AACS: variants seen among roughly 807,000 people sequenced by gnomAD.
AACS encodes acetoacetate-CoA ligase.
AACS carries 69 observed loss-of-function variants against 83.1 expected under a neutral mutation model. The ratio of observed to expected loss-of-function variants is 0.83; its 90% confidence interval spans 0.68 to 1.01. The LOEUF (loss-of-function observed/expected upper bound fraction) is 1.01. Ranked by LOEUF, AACS falls within the 50% of genes least tolerant of loss-of-function variation. The probability of loss-of-function intolerance (pLI) is 0.00; values close to 1 mark genes in which losing one functional copy is unlikely to be tolerated. For missense variants in AACS, 866 were observed against 882.2 expected (o/e 0.98, Z 0.23); for synonymous variants, 333 against 343.4 (o/e 0.97, Z 0.33).
chr12:125,076,545 C>T lies in AACS; in HGVS notation c.292C>T (p.Arg98Trp), dbSNP rs376488677. ...TGTCCCCGAGTGGTTCAAAGGCAGT[C>T]GGCTCAACTATGCAGAAAACCTCCT... ...ADVPEWFKGS[R>W]LNYAENLLRH... Residue 98 changes from arginine (R) to tryptophan (W), a missense_variant, in exon 3 of 18, where the codon CGG becomes TGG. By Grantham distance (101) the Arg-to-Trp change is moderately radical. Transcript: ENST00000316519. 173 of 1,613,994 alleles carry T rather than the reference C, an allele frequency of 1.1e-4. 1 individual carries two copies. The highest frequency in any genetic ancestry group is 3.3e-4 in the Middle Eastern group (2 of 6,084).
chr12:125,079,990 C>T (rs1293993463), intron 3 of AACS, among the ~76,000 whole-genome samples: 1 of 152,198 alleles, frequency 6.6e-6, no homozygotes, highest in Non-Finnish European at 1.5e-5. Context: ...TCGCTCAGCA[C>T]AGTGTTACCA....
At chr12:125,123,559 C>T (rs1280398143) in intron 10 of AACS, 2 of 152,128 alleles carry the variant, frequency 1.3e-5, no homozygotes, top group African/African-American at 4.8e-5. Flanking sequence ...GGAGGGAGAC[C>T]CACCCTGCCA....
chr12:125,094,215 C>T lies in AACS; in HGVS notation c.570+2692C>T, dbSNP rs959918239. Among the ~76,000 whole-genome samples, 1 of 152,110 alleles carries T rather than the reference C, an allele frequency of 6.6e-6. No individual in the cohort carries two copies. The highest frequency in any genetic ancestry group is 1.5e-5 in the Non-Finnish European group (1 of 68,032). On this transcript the variant is annotated intron_variant, in intron 5 of 17. Coordinates refer to ENST00000316519, the MANE Select transcript of AACS (RefSeq NM_023928.5). The surrounding 1 kb of genome is among the most constrained non-coding windows in gnomAD (Gnocchi z 4.1). ...CAGATCTCTACTTAAAAAAGAGATC[C>T]TGTTTTTAATTTCCATCATCACCAT...
chr12:125,092,012 C>G (rs140724860), intron 5 of AACS, among the ~76,000 whole-genome samples: 10 of 152,348 alleles, frequency 6.6e-5, no homozygotes, highest in African/African-American at 2.2e-4. Flanking sequence ...CTCTCTGTCC[C>G]CAAACCACCC....
intron 8 of AACS, among the ~76,000 whole-genome samples, 161 bp downstream of exon 8, chr12:125,107,429 G>A (rs1956859819): frequency 6.6e-6 from 1 of 152,212 alleles, no homozygotes; most frequent in African/African-American, 2.4e-5. Context: ...ACGGAGATCC[G>A]GCACTGGGCC....
At chr12:125,072,996 C>T (rs1383061757) in intron 1 of AACS, among the ~76,000 whole-genome samples, 1 of 138,982 alleles carries the variant, frequency 7.2e-6, no homozygotes, top group African/African-American at 2.7e-5. Flanking sequence ...GGCGCGATCT[C>T]GGCTCACTTC....
intron 5 of AACS, among the ~76,000 whole-genome samples, chr12:125,099,717 C>T (rs1009894015): frequency 1.3e-5 from 2 of 152,174 alleles, no homozygotes; most frequent in African/African-American, 4.8e-5. Context: ...GATGGAGTCT[C>T]GCTCTATCAC....
At chr12:125,082,618 C>T (rs1234946811) in intron 3 of AACS, among the ~76,000 whole-genome samples, 2 of 152,040 alleles carry the variant, frequency 1.3e-5, no homozygotes, top group Non-Finnish European at 2.9e-5. Context: ...GTCAGGAGTT[C>T]GAGACCAGCC....
At position 125,124,448 on chromosome 12, in the gene AACS, C is replaced by CT. The variant is rs1957210400; in HGVS notation, c.1122-256dup. ...GAAGATAATGGGTTCGGGTGAGCGA[C>CT]TGTTTTATGTGACGCCTCGTGGTAA... On this transcript the variant is annotated intron_variant, in intron 10 of 17. Coordinates refer to ENST00000316519, the MANE Select transcript of AACS (RefSeq NM_023928.5). 3 of 528,442 alleles carry CT rather than the reference C, an allele frequency of 5.7e-6. No homozygotes were observed. The Admixed American group carries it at 1.0e-4, about 18-fold the overall frequency. 32.7% of individuals were successfully genotyped at this position (528,442 alleles called of 1,614,324 possible).
chr12:125,141,459 G>C (rs1159784105), intron 17 of AACS: 1 of 152,278 alleles, frequency 6.6e-6, no homozygotes, highest in African/African-American at 2.4e-5. Context: ...GGCCAAGATG[G>C]GTGGATCATG....
At chr12:125,096,817 T>C (rs1956618651) in intron 5 of AACS, among the ~76,000 whole-genome samples, 1 of 151,658 alleles carries the variant, frequency 6.6e-6, no homozygotes, top group South Asian at 2.1e-4. Context: ...ATCTGGGCAC[T>C]GAGAATGGGG....
chr12:125,137,341 C>G (rs1472806665), intron 17 of AACS, among the ~76,000 whole-genome samples: 5 of 152,186 alleles, frequency 3.3e-5, no homozygotes, highest in African/African-American at 1.2e-4. Context: ...GCCAGCATGC[C>G]TGGCTAATTT....
At chr12:125,118,365 G>C (rs1304396390) in intron 9 of AACS, 2 of 406,486 alleles carry the variant, frequency 4.9e-6, no homozygotes, top group Non-Finnish European at 9.2e-6. Flanking sequence ...GGCCTTGCTT[G>C]TGTCGATAAC....
intron 3 of AACS, among the ~76,000 whole-genome samples, chr12:125,082,031 A>G (rs1956201213): frequency 6.6e-6 from 1 of 151,704 alleles, no homozygotes; most frequent in Non-Finnish European, 1.5e-5. Flanking sequence ...ACGTGCCAGC[A>G]TGCCCAGCTA....
At chr12:125,120,481 A>G (rs1249783476) in intron 10 of AACS, 1 of 152,212 alleles carries the variant, frequency 6.6e-6, no homozygotes, top group African/African-American at 2.4e-5. Flanking sequence ...TTGGCTCACA[A>G]TCTTAGTGAG....
At chr12:125,081,456 G>A (rs762174955) in intron 3 of AACS, among the ~76,000 whole-genome samples, 3 of 152,168 alleles carry the variant, frequency 2.0e-5, no homozygotes, top group Admixed American at 6.6e-5. Context: ...ATTGTGCTTC[G>A]TTTTCTGCAT....
Position 125,076,325 on chromosome 12 carries a change from C to G in AACS, c.238-166C>G, listed in dbSNP as rs575296508. Among the ~76,000 whole-genome samples, 4 of 152,326 alleles carry G rather than the reference C, an allele frequency of 2.6e-5. No homozygotes were observed. The South Asian group carries it at 6.2e-4, about 24-fold the overall frequency. On this transcript the variant is annotated intron_variant, in intron 2 of 17. Transcript: ENST00000316519. Reference sequence around the variant, plus strand: ...TCAGTTTCTAGCTTTTAGGCCAGTTCAGAGTTCAGTCCATAAAATGATTTA... The same window carrying G: ...TCAGTTTCTAGCTTTTAGGCCAGTTGAGAGTTCAGTCCATAAAATGATTTA...
intron 4 of AACS, 117 bp from the exon 5 acceptor site, chr12:125,091,309 G>A: frequency 1.0e-6 from 1 of 972,208 alleles, no homozygotes; most frequent in South Asian, 1.4e-5. Flanking sequence ...GGATCCTCAG[G>A]CAGTTCAAGG....
chr12:125,124,950 C>A lies in AACS; in HGVS notation c.1235C>A (p.Ser412Tyr), dbSNP rs1957223032. The A allele has an allele frequency of 6.2e-7, 1 of 1,614,082 alleles. No individual in the cohort carries two copies. Among genetic ancestry groups the A allele is most frequent in the South Asian group, 1.1e-5 (1 of 91,084 alleles). ...QMLHTILSTGSPLKAQSYEYV... is the reference protein window; with the variant it reads ...QMLHTILSTGYPLKAQSYEYV... Reference sequence around the variant, plus strand: ...CTCCACACGATCCTGTCCACTGGCTCCCCACTGAAAGCCCAGAGCTACGAG... The same window carrying A: ...CTCCACACGATCCTGTCCACTGGCTACCCACTGAAAGCCCAGAGCTACGAG... Residue 412 changes from serine (S) to tyrosine (Y), a missense_variant, in exon 12 of 18, where the codon TCC becomes TAC. Ser to Tyr is a moderately radical substitution (Grantham distance 144). Transcript: ENST00000316519.
Sources: allele counts gnomAD v4.1 joint callset (sites outside exome capture counted in the v4.1 genomes callset), GRCh38; gene constraint gnomAD v4.1.1; non-coding constraint Gnocchi (gnomAD v3.1); transcripts MANE v1.5; gene names NCBI Gene and HGNC (gene_info 2026-07-23, HGNC 2026-07-21).